The following AFG1L variants were observed in gnomAD, a reference collection of about 807,000 sequenced individuals.
AFG1L encodes AFG1-like ATPase.
A neutral mutation model predicts 62.2 loss-of-function variants in AFG1L; 53 were observed. The ratio of observed to expected loss-of-function variants is 0.85; its 90% CI spans 0.68 to 1.07. The LOEUF is 1.07. AFG1L is among the 50% of genes least tolerant of loss of function. The pLI, the probability that AFG1L is intolerant of heterozygous loss-of-function variation, is 0.00. For synonymous variants in AFG1L, 228 were observed against 210.3 expected (o/e 1.08, Z -0.73); for missense variants, 555 against 590.5 (o/e 0.94, Z 0.62).
chr6:108,484,821 T>C (rs181338979), intron 10 of AFG1L, among the ~76,000 whole-genome samples: 2 of 152,296 alleles, frequency 1.3e-5, no homozygotes, highest in East Asian at 3.9e-4. Context: ...AAAGAAAAAG[T>C]GAACTCTCTG....
At chr6:108,455,839 G>A (rs757961907) in intron 8 of AFG1L, among the ~76,000 whole-genome samples, 3 of 152,028 alleles carry the variant, frequency 2.0e-5, no homozygotes, top group Non-Finnish European at 4.4e-5. Flanking sequence ...ATTTATTGAG[G>A]CTTGCTTTAT....
chr6:108,337,601 G>A (rs1050817811), intron 2 of AFG1L, among the ~76,000 whole-genome samples: 13 of 152,096 alleles, frequency 8.5e-5, no homozygotes, highest in Non-Finnish European at 1.9e-4. Flanking sequence ...AAAGGCCTAA[G>A]GTTAGCAGAA....
chr6:108,446,097 C>G (rs1003751964), intron 7 of AFG1L, among the ~76,000 whole-genome samples: 1 of 114,808 alleles, frequency 8.7e-6, no homozygotes, highest in African/African-American at 3.1e-5. Context: ...CACACACACA[C>G]ACACACCCCT....
intron 6 of AFG1L, chr6:108,372,896 A>T (rs1287074863): frequency 6.5e-6 from 1 of 152,902 alleles, no homozygotes; most frequent in African/African-American, 2.4e-5. Flanking sequence ...CTCCAGGTCC[A>T]GCTTTGGCAT....
intron 7 of AFG1L, among the ~76,000 whole-genome samples, chr6:108,418,208 T>G (rs1242615843): frequency 1.3e-5 from 2 of 152,212 alleles, no homozygotes. Flanking sequence ...CCTGTGATAG[T>G]TTATACCAGG....
At position 108,445,633 on chromosome 6, in the gene AFG1L, T is replaced by TGAGAGAGAGAGAGA. The variant is rs59323063; in HGVS notation, c.808-1546_808-1533dup. The stretch of plus-strand genomic sequence containing the variant: ...TCTCAGAGCATAGGGACACCTAAGG[T>TGAGAGAGAGAGAGA]GAGAGAGAGAGAGAGAGAGAGAGAG... On this transcript the variant is annotated intron_variant, in intron 7 of 12. Coordinates refer to ENST00000368977, the MANE Select transcript of AFG1L (RefSeq NM_145315.5). Among the ~76,000 whole-genome samples the TGAGAGAGAGAGAGA allele has an allele frequency of 2.0e-3, 259 of 130,094 alleles. 5 individuals are homozygous for TGAGAGAGAGAGAGA. The highest frequency in any genetic ancestry group is 6.4e-3 in the African/African-American group (222 of 34,484). 85.3% of individuals were successfully genotyped at this position (130,094 alleles called of 152,430 possible). A position where few individuals can be genotyped will look rare whatever the true frequency, so the allele number is the denominator to read the frequency against.
chr6:108,427,969 G>T (rs1326169108), intron 7 of AFG1L, among the ~76,000 whole-genome samples: 1 of 152,156 alleles, frequency 6.6e-6, no homozygotes, highest in African/African-American at 2.4e-5. Flanking sequence ...TATTTCAGTA[G>T]CTTTTGGGGT....
chr6:108,372,690 T>C (rs1409172557), intron 6 of AFG1L: 2 of 154,168 alleles, frequency 1.3e-5, no homozygotes, highest in Admixed American at 6.6e-5. Context: ...CTTAAACCTT[T>C]CTGGGCCTAT....
At chr6:108,331,312 A>G (rs1778270630) in intron 2 of AFG1L, among the ~76,000 whole-genome samples, 1 of 152,166 alleles carries the variant, frequency 6.6e-6, no homozygotes, top group Non-Finnish European at 1.5e-5. Context: ...GAACAAAACA[A>G]AACACAAATA....
At chr6:108,437,768 G>C (rs958494452) in intron 7 of AFG1L, among the ~76,000 whole-genome samples, 28 of 152,108 alleles carry the variant, frequency 1.8e-4, no homozygotes, top group African/African-American at 6.8e-4. Flanking sequence ...ATTTGAGATG[G>C]GAGGGAGAGG....
At chr6:108,365,160 C>T (rs1214222934) in intron 5 of AFG1L, among the ~76,000 whole-genome samples, 4 of 152,024 alleles carry the variant, frequency 2.6e-5, no homozygotes, top group Admixed American at 2.6e-4. Context: ...AAAGAAAGAT[C>T]AAAACATTTT....
chr6:108,423,552 TA>T (rs1297731125), intron 7 of AFG1L, among the ~76,000 whole-genome samples: 2 of 152,048 alleles, frequency 1.3e-5, no homozygotes, highest in African/African-American at 2.4e-5. Context: ...TATATTATAT[TA>T]GGGGTGCTTG....
intron 8 of AFG1L, among the ~76,000 whole-genome samples, chr6:108,473,091 A>C (rs1437617768): frequency 1.3e-5 from 2 of 152,056 alleles, no homozygotes; most frequent in Non-Finnish European, 2.9e-5. Flanking sequence ...CATGCGTCCC[A>C]CGCCTGGATT....
At chr6:108,300,859 A>C (rs1776969216) in intron 1 of AFG1L, among the ~76,000 whole-genome samples, 1 of 152,026 alleles carries the variant, frequency 6.6e-6, no homozygotes. Flanking sequence ...TTTTTAGTAG[A>C]GATGGGGTTT....
chr6:108,339,542 CT>C (rs1778602168), intron 2 of AFG1L, among the ~76,000 whole-genome samples: 1 of 151,298 alleles, frequency 6.6e-6, no homozygotes, highest in African/African-American at 2.4e-5. Flanking sequence ...TCACTGCAAC[CT>C]CCATCTACCA....
At chr6:108,372,161 T>C (rs1252958100) in intron 6 of AFG1L, among the ~76,000 whole-genome samples, 1 of 151,848 alleles carries the variant, frequency 6.6e-6, no homozygotes, top group Non-Finnish European at 1.5e-5. Context: ...CTTTTTTTCA[T>C]TTATTTCAAA....
At chr6:108,440,689 G>A (rs187825242) in intron 7 of AFG1L, among the ~76,000 whole-genome samples, 14 of 151,760 alleles carry the variant, frequency 9.2e-5, no homozygotes, top group Admixed American at 3.9e-4. Flanking sequence ...GCATGGTGGC[G>A]GGCACCTGCA....
At chr6:108,364,197 A>G (rs968353188) in intron 5 of AFG1L, among the ~76,000 whole-genome samples, 41 of 152,146 alleles carry the variant, frequency 2.7e-4, no homozygotes, top group Admixed American at 2.1e-3. Flanking sequence ...CTGTTCACTT[A>G]TACTGTAAAA....
intron 2 of AFG1L, among the ~76,000 whole-genome samples, chr6:108,328,895 C>A (rs190488741): frequency 1.3e-5 from 2 of 152,198 alleles, no homozygotes; most frequent in South Asian, 4.2e-4. Flanking sequence ...TAGTGAATAA[C>A]CCTGGTTTTA....
Sources: gnomAD v4.1 joint callset for allele counts (sites outside exome capture counted in the v4.1 genomes callset) on GRCh38, gnomAD v4.1.1 for gene constraint, MANE v1.5 for transcripts, NCBI Gene and HGNC (gene_info 2026-07-23, HGNC 2026-07-21) for gene names.